Variants in SLC12A9 observed in about 807,000 individuals in gnomAD.
SLC12A9 encodes CCC-interacting protein 1.
SLC12A9 carries 55 observed loss-of-function variants against 66.0 expected under a neutral mutation model. The observed-to-expected ratio is 0.83, with a 90% CI of 0.67 to 1.04. SLC12A9 has a LOEUF of 1.04. Among genes scored for constraint, SLC12A9 ranks in the 50% least tolerant of loss-of-function variants. The probability of loss-of-function intolerance (pLI) is 0.00; values close to 1 mark genes in which losing one functional copy is unlikely to be tolerated. For missense variants in SLC12A9, 1,061 were observed against 1,241.9 expected, an observed-to-expected ratio of 0.85 and a Z score of 2.19; for synonymous variants, 577 against 569.0, an observed-to-expected ratio of 1.01 and a Z score of -0.20.
chr7:100,828,940 A>G (rs1427297882), intron 1 of SLC12A9, among the ~76,000 whole-genome samples: 1 of 151,682 alleles, frequency 6.6e-6, no homozygotes. Flanking sequence ...AGCCCCTCCA[A>G]GGGGCAGAAG....
intron 1 of SLC12A9, among the ~76,000 whole-genome samples, chr7:100,840,058 A>G (rs1038272124): frequency 2.2e-4 from 33 of 151,896 alleles, no homozygotes; most frequent in African/African-American, 7.0e-4. Context: ...GACTTGACTT[A>G]GATTGCTTAA....
chr7:100,854,941 A>C (rs1814295778), intron 3 of SLC12A9, among the ~76,000 whole-genome samples, 187 bp downstream of exon 3: 1 of 152,008 alleles, frequency 6.6e-6, no homozygotes, highest in African/African-American at 2.4e-5. Context: ...AGGTGGGTGG[A>C]TCACTTGAGG....
chr7:100,851,055 C>T (rs990720700), upstream of SLC12A9, among the ~76,000 whole-genome samples: 1 of 151,786 alleles, frequency 6.6e-6, no homozygotes, highest in East Asian at 1.9e-4. Flanking sequence ...TGAGGTCCCA[C>T]TTTATTGCCC....
At chr7:100,856,257 G>T (rs537524097) in intron 4 of SLC12A9, 2 of 168,954 alleles carry the variant, frequency 1.2e-5, no homozygotes, top group South Asian at 2.6e-4. Flanking sequence ...GCCCAGGCTG[G>T]AGTACAGTGG....
rs1445842437 is a variant in SLC12A9 at position 100,865,779 on chromosome 7, A to C, written c.1919A>C (p.His640Pro). The C allele has an allele frequency of 1.2e-6, 2 of 1,613,864 alleles. No homozygotes were observed. Among genetic ancestry groups the C allele is most frequent in the Non-Finnish European group, 1.7e-6 (2 of 1,180,008 alleles). ...GFYDDAPPQD[H>P]FLTDPAFSEP... ...TACGATGACGCTCCACCGCAGGACC[A>C]TTTCCTGACGGACCCGGCTTTCTCT... Residue 640 changes from histidine (H) to proline (P), a missense_variant, in exon 14 of 14, where the codon CAT becomes CCT. By Grantham distance (77) the His-to-Pro change is moderately conservative. Coordinates refer to ENST00000354161, the MANE Select transcript of SLC12A9 (RefSeq NM_020246.4).
intron 1 of SLC12A9, among the ~76,000 whole-genome samples, chr7:100,841,648 CATT>C (rs144660565): frequency 0.018 from 2,761 of 152,094 alleles, 31 homozygotes; most frequent in Middle Eastern, 0.092. Context: ...TATGGTCAAA[CATT>C]AAAAATTAGA....
At chr7:100,836,723 C>G (rs182385747) in intron 1 of SLC12A9, among the ~76,000 whole-genome samples, 3 of 152,142 alleles carry the variant, frequency 2.0e-5, no homozygotes, top group Admixed American at 6.5e-5. Flanking sequence ...GCTCGCCTCT[C>G]TTCCCGAGAG....
At chr7:100,864,315 A>T (rs1012993729) in intron 13 of SLC12A9, among the ~76,000 whole-genome samples, 1 of 152,088 alleles carries the variant, frequency 6.6e-6, no homozygotes, top group African/African-American at 2.4e-5. Flanking sequence ...TTCCAACCTC[A>T]GGTGATCCGC....
rs1814706650 is a variant in SLC12A9 at position 100,860,898 on chromosome 7, G to A, written c.1219-240G>A. ...CTGGGGATACACTGGCACTTTTGGG[G>A]TTTAATAGCATTTTAGGGGCTCATT... is the stretch of plus-strand genomic sequence containing the variant. On this transcript the variant is annotated intron_variant, in intron 9 of 13. Transcript: ENST00000354161. 21 of 665,942 alleles carry A rather than the reference G, an allele frequency of 3.2e-5. 1 individual carries two copies. In the Middle Eastern group the frequency reaches 3.7e-3, roughly 118 times the overall value. The allele number at this position is 665,942 out of a possible 1,614,324, so 41.3% of individuals were successfully genotyped here.
At position 100,866,047 on chromosome 7, in the gene SLC12A9, C is replaced by T. The variant is rs564271649; in HGVS notation, c.2187C>T (p.Leu729=). 8.7e-6 allele frequency: 14 copies of T among 1,612,854 alleles called. No homozygotes were observed. In the Admixed American group the frequency reaches 1.2e-4, roughly 13 times the overall value. ...TGCACCATGTGGACGTGTGGCCCCT[C>T]AACCTGCTGCGGCCCCGGGGTGGGC... is the stretch of plus-strand genomic sequence containing the variant. The part of the protein sequence containing the change: ...SQLHHVDVWP[L]NLLRPRGGPG... Residue 729 remains leucine (L), a synonymous_variant, in exon 14 of 14, where the codon CTC becomes CTT. Transcript: ENST00000354161. This position sits in a 1 kb window ranked among gnomAD's most constrained non-coding sequence, Gnocchi z 7.3.
At chr7:100,851,620 C>T (rs1012117660), upstream of SLC12A9, among the ~76,000 whole-genome samples, 6 of 135,408 alleles carry the variant, frequency 4.4e-5, no homozygotes, top group Non-Finnish European at 9.4e-5. Context: ...TGGCGAAACC[C>T]GGTCTCTACA....
In SLC12A9 at chr7:100,866,400, G is replaced by A. The variant is rs746002049; in HGVS notation, c.2540G>A (p.Arg847His). 2.3e-5 allele frequency: 36 copies of A among 1,536,572 alleles called. No individual in the cohort carries two copies. Among genetic ancestry groups the A allele is most frequent in the South Asian group, 3.7e-5 (3 of 82,042 alleles). Residue 847 changes from arginine to histidine, a missense_variant, in exon 14 of 14, where the codon CGC (arginine) becomes CAC (histidine). Transcript: ENST00000354161. This position sits in a 1 kb window ranked among gnomAD's most constrained non-coding sequence, Gnocchi z 7.3. ...GCCCTGGTTCGGGCCCAGCAGGGGCGCGGCACAGGAGGAGGGCCGGGTGGG... is the reference window on the plus strand; with the variant it reads ...GCCCTGGTTCGGGCCCAGCAGGGGCACGGCACAGGAGGAGGGCCGGGTGGG... ...ANALVRAQQG[R>H]GTGGGPGGPE...
intron 1 of SLC12A9, among the ~76,000 whole-genome samples, chr7:100,840,425 G>A (rs1813760447): frequency 6.6e-6 from 1 of 152,106 alleles, no homozygotes; most frequent in South Asian, 2.1e-4. Context: ...CAAAGGTATG[G>A]CACAAAGTAA....
chr7:100,840,209 T>C (rs977768190), intron 1 of SLC12A9, among the ~76,000 whole-genome samples: 22 of 152,104 alleles, frequency 1.4e-4, no homozygotes. Context: ...GTGGTGTGAG[T>C]GTGGTGTTTT....
rs1373026414 is a variant in SLC12A9, at chr7:100,862,827, G to A, written c.1858G>A (p.Gly620Ser). The change falls in exon 13 of 14, where the codon GGT (glycine) becomes AGT (serine). Residue 620 changes from glycine to serine, a missense_variant and splice_region_variant. Gly to Ser is a moderately conservative substitution (Grantham distance 56). Transcript: ENST00000354161. ...GCATCTGCTGCGAATCTCCGGCCTC[G>A]GTGAGCTGCTTCTCCCTGGATGCCC... is the stretch of plus-strand genomic sequence containing the variant. ...AQHLLRISGL[G>S]GMKPNTLVLG... 3 of 1,613,862 alleles carry A rather than the reference G, an allele frequency of 1.9e-6. No individual in the cohort carries two copies. The highest frequency in any genetic ancestry group is 2.2e-5 in the South Asian group (2 of 91,066).
At chr7:100,833,453 A>G (rs1813582136) in intron 1 of SLC12A9, among the ~76,000 whole-genome samples, 1 of 152,076 alleles carries the variant, frequency 6.6e-6, no homozygotes, top group South Asian at 2.1e-4. Flanking sequence ...TGGGTGACAG[A>G]GCGAGACTCT....
In SLC12A9 at chr7:100,860,491, C is replaced by T. The variant is rs61453233; in HGVS notation, c.1218+259C>T. The T allele has an allele frequency of 3.0e-3, 1,538 of 518,252 alleles. 21 individuals carry two copies. Among genetic ancestry groups the T allele is most frequent in the African/African-American group, 0.028 (1,438 of 52,088 alleles). 32.1% of individuals were successfully genotyped at this position (518,252 alleles called of 1,614,324 possible). On this transcript the variant is annotated intron_variant, in intron 9 of 13. Coordinates refer to ENST00000354161, the MANE Select transcript of SLC12A9 (RefSeq NM_020246.4). ...GGGTACACGGGCATTGTGCAGGGTT[C>T]ACTGACACTTTTTGGGGTATACTAG...
intron 1 of SLC12A9, among the ~76,000 whole-genome samples, chr7:100,827,959 C>G (rs746357359): frequency 2.8e-4 from 42 of 152,318 alleles, no homozygotes; most frequent in African/African-American, 9.6e-4. Flanking sequence ...CTCTAGATGC[C>G]GCTCTTGGAT....
rs772215583 is a variant in SLC12A9, at chr7:100,866,401, C to T, written c.2541C>T (p.Arg847=). The change falls in exon 14 of 14, where the codon CGC becomes CGT. Residue 847 remains arginine (R), a synonymous_variant. Transcript: ENST00000354161. The surrounding 1 kb of genome is among the most constrained non-coding windows in gnomAD (Gnocchi z 7.3). ...ANALVRAQQG[R]GTGGGPGGPE... ...CCCTGGTTCGGGCCCAGCAGGGGCGCGGCACAGGAGGAGGGCCGGGTGGGC... is the reference window on the plus strand; with the variant it reads ...CCCTGGTTCGGGCCCAGCAGGGGCGTGGCACAGGAGGAGGGCCGGGTGGGC... 1.0e-5 allele frequency: 16 copies of T among 1,536,630 alleles called. No homozygotes were observed. The highest frequency in any genetic ancestry group is 6.9e-5 in the African/African-American group (5 of 72,842).
Sources: allele counts gnomAD v4.1 joint callset (sites outside exome capture counted in the v4.1 genomes callset), GRCh38; gene constraint gnomAD v4.1.1; non-coding constraint Gnocchi (gnomAD v3.1); transcripts MANE v1.5; gene names NCBI Gene and HGNC (gene_info 2026-07-23, HGNC 2026-07-21).